The following GRK4 variants were observed in gnomAD, a reference collection of about 807,000 sequenced individuals.
GRK4 encodes the protein G protein-coupled receptor kinase 2-like.
In GRK4, 73 loss-of-function variants were observed where a neutral mutation model predicts 77.9. The observed-to-expected ratio is 0.94, with a 90% CI of 0.78 to 1.14. The LOEUF is 1.14. Among genes scored for constraint, GRK4 ranks in the 50% most tolerant of loss-of-function variants. The pLI, the probability that GRK4 is intolerant of heterozygous loss-of-function variation, is 0.00. For synonymous variants in GRK4, 257 were observed against 254.4 expected (o/e 1.01, Z -0.10); for missense variants, 729 against 700.2 (o/e 1.04, Z -0.46).
chr4:2,966,832 T>C (rs912067618), intron 1 of GRK4: 4 of 152,218 alleles, frequency 2.6e-5, no homozygotes, highest in Non-Finnish European at 5.9e-5. Flanking sequence ...TGATTTAATA[T>C]TATTAGTGAG....
intron 4 of GRK4, among the ~76,000 whole-genome samples, chr4:2,994,111 T>A (rs560490471): frequency 6.6e-6 from 1 of 152,346 alleles, no homozygotes; most frequent in Non-Finnish European, 1.5e-5. Flanking sequence ...GATTACTCTC[T>A]CAAACACAGC....
intron 8 of GRK4, among the ~76,000 whole-genome samples, chr4:3,018,615 C>T (rs1735202971): frequency 6.6e-6 from 1 of 152,178 alleles, no homozygotes; most frequent in Non-Finnish European, 1.5e-5. Context: ...CTGTGGTTCA[C>T]GCCCGTGATC....
intron 4 of GRK4, among the ~76,000 whole-genome samples, chr4:3,000,544 T>TTTTTCTTTTC (rs755931695): frequency 9.9e-4 from 129 of 130,468 alleles, no homozygotes; most frequent in African/African-American, 3.2e-3. Context: ...TTTTCTTTCT[T>TTTTTCTTTTC]TTTTCTTTTC....
chr4:3,018,387 G>A (rs961895908), intron 8 of GRK4, among the ~76,000 whole-genome samples: 1 of 152,126 alleles, frequency 6.6e-6, no homozygotes, highest in African/African-American at 2.4e-5. Context: ...TCTAAGAAAA[G>A]ACCCGGTGAG....
At chr4:3,012,209 T>C (rs1733107082) in intron 7 of GRK4, among the ~76,000 whole-genome samples, 1 of 152,238 alleles carries the variant, frequency 6.6e-6, no homozygotes, top group African/African-American at 2.4e-5. Context: ...CAAGTCTTAA[T>C]GGTAAGAAAA....
chr4:3,008,846 A>C (rs1732066085), intron 6 of GRK4, among the ~76,000 whole-genome samples: 1 of 151,516 alleles, frequency 6.6e-6, no homozygotes, highest in Admixed American at 6.6e-5. Context: ...TGTTATTATT[A>C]GTACTATTAT....
chr4:3,011,398 T>C (rs1232737835), intron 7 of GRK4, among the ~76,000 whole-genome samples: 2 of 152,162 alleles, frequency 1.3e-5, no homozygotes, highest in African/African-American at 4.8e-5. Flanking sequence ...CTAGGCAACA[T>C]GGCAAGACCC....
intron 4 of GRK4, 52 bp from the exon 5 acceptor site, chr4:3,004,179 A>G (rs1324738220): frequency 5.6e-6 from 7 of 1,242,702 alleles, no homozygotes; most frequent in Non-Finnish European, 7.1e-6. Flanking sequence ...TCTGTTCACT[A>G]GTAAGTTATG....
intron 6 of GRK4, 100 bp from the exon 7 acceptor site, chr4:3,009,548 T>A: frequency 1.2e-6 from 1 of 828,502 alleles, no homozygotes; most frequent in Non-Finnish European, 2.0e-6. Context: ...TTGAGCAGAA[T>A]GGTTCAATAA....
chr4:3,025,126 C>A (rs568928123), intron 10 of GRK4, among the ~76,000 whole-genome samples: 24 of 151,792 alleles, frequency 1.6e-4, no homozygotes, highest in African/African-American at 5.6e-4. Context: ...CAAAAATTAG[C>A]TGGGTGTGGT....
chr4:3,032,924 C>A (rs1421916222), intron 12 of GRK4, among the ~76,000 whole-genome samples: 1 of 152,214 alleles, frequency 6.6e-6, no homozygotes, highest in Non-Finnish European at 1.5e-5. Flanking sequence ...CTCTGTGCTG[C>A]CTGGTCAGGC....
intron 2 of GRK4, among the ~76,000 whole-genome samples, chr4:2,985,103 A>T (rs1310248324): frequency 6.6e-6 from 1 of 152,056 alleles, no homozygotes; most frequent in Admixed American, 6.6e-5. Context: ...ACAGTTTTCT[A>T]TGCACGTTTT....
intron 4 of GRK4, among the ~76,000 whole-genome samples, chr4:2,998,352 G>T (rs1728563017): frequency 6.6e-6 from 1 of 151,082 alleles, no homozygotes; most frequent in Non-Finnish European, 1.5e-5. Context: ...GCAAGACTCT[G>T]TTTAAAAAAA....
At chr4:3,002,849 AT>A (rs1560428425) in intron 4 of GRK4, among the ~76,000 whole-genome samples, 3 of 151,832 alleles carry the variant, frequency 2.0e-5, no homozygotes, top group Admixed American at 2.0e-4. Flanking sequence ...CTGAACATAT[AT>A]TTTTCCCATT....
In GRK4 at chr4:3,037,511, G is replaced by C; in HGVS notation, c.1545G>C (p.Glu515Asp). Residue 515 changes from glutamate (E) to aspartate (D), a missense_variant and splice_region_variant, in exon 14 of 16, where the codon GAG (glutamate) becomes GAC (aspartate). Physicochemically the swap from Glu to Asp is conservative, Grantham distance 45. Transcript: ENST00000398052. ...TGCVSIPWQN[E>D]MIESGCFKDI... ...GTGTCTCCATCCCCTGGCAGAATGA[G>C]GTACTGCCCTTCCAGCACAGCCGCT... 6.2e-7 allele frequency: 1 copy of C among 1,600,360 alleles called. No homozygotes were observed. Among genetic ancestry groups the C allele is most frequent in the East Asian group, 2.2e-5 (1 of 44,486 alleles).
At position 2,969,902 on chromosome 4, in the gene GRK4, C is replaced by T. The variant is rs111354259; in HGVS notation, c.52+5780C>T. On this transcript the variant is annotated intron_variant, in intron 1 of 15. Coordinates refer to ENST00000398052, the MANE Select transcript of GRK4 (RefSeq NM_182982.3). ...ATGTTGCCCAGGCTAGTCTGGAACC[C>T]CTGGACTCAAGTGATCCTACCCTCC... 5.6e-3 allele frequency among the ~76,000 whole-genome samples: 847 copies of T among 152,154 alleles called. 5 individuals are homozygous for T. Among genetic ancestry groups the T allele is most frequent in the African/African-American group, 0.019 (801 of 41,516 alleles).
chr4:2,981,664 C>T (rs547119513), intron 1 of GRK4, among the ~76,000 whole-genome samples: 3 of 152,294 alleles, frequency 2.0e-5, no homozygotes, highest in South Asian at 2.1e-4. Flanking sequence ...CTGATTGGTC[C>T]GTGGGCGGGC....
chr4:3,027,867 A>G lies in GRK4; in HGVS notation c.971-45A>G, dbSNP rs146474382. 638 of 1,530,560 alleles carry G rather than the reference A, an allele frequency of 4.2e-4. 5 individuals are homozygous for G. The African/African-American group carries it at 6.9e-3, about 16-fold the overall frequency. The allele number at this position is 1,530,560 out of a possible 1,614,324, so 94.8% of individuals were successfully genotyped here. On this transcript the variant is annotated intron_variant, in intron 10 of 15. Transcript: ENST00000398052. Reference sequence around the variant, plus strand: ...CCATTTTAATTGTTGTTACGGTGTCATTACTTCCCCCGTGACCTGTGTAAT... The same window carrying G: ...CCATTTTAATTGTTGTTACGGTGTCGTTACTTCCCCCGTGACCTGTGTAAT...
At chr4:3,013,584 C>T in intron 7 of GRK4, 104 bp from the exon 8 acceptor site, 2 of 1,369,230 alleles carry the variant, frequency 1.5e-6, no homozygotes, top group Non-Finnish European at 2.0e-6. Context: ...TGCACTGCTG[C>T]TGGTCTCTGC....
Sources: gnomAD v4.1 joint callset for allele counts (sites outside exome capture counted in the v4.1 genomes callset) on GRCh38, gnomAD v4.1.1 for gene constraint, MANE v1.5 for transcripts, NCBI Gene and HGNC (gene_info 2026-07-23, HGNC 2026-07-21) for gene names.